Variants in CD163L1 observed in about 807,000 individuals in gnomAD.
CD163L1 encodes scavenger receptor cysteine-rich type 1 protein M160.
Under a neutral mutation model 165.4 loss-of-function variants are expected in CD163L1, and 124 were observed. The observed-to-expected ratio is 0.75, with a 90% CI of 0.65 to 0.87. The LOEUF (loss-of-function observed/expected upper bound fraction) is 0.87. Ranked by LOEUF, CD163L1 falls within the 40% of genes least tolerant of loss-of-function variation. The pLI, the probability that CD163L1 is intolerant of heterozygous loss-of-function variation, is 0.00. For missense variants in CD163L1, 1,525 were observed against 1,799.9 expected (o/e 0.85, Z 2.76); for synonymous variants, 585 against 662.2 (o/e 0.88, Z 1.79).
chr12:7,431,028 G>A (rs978282620), intron 4 of CD163L1, among the ~76,000 whole-genome samples: 3 of 152,256 alleles, frequency 2.0e-5, no homozygotes, highest in Middle Eastern at 3.4e-3. Context: ...ACTACAGAGA[G>A]GTCACTGGGG....
intron 8 of CD163L1, among the ~76,000 whole-genome samples, chr12:7,394,252 C>A (rs1248460446): frequency 2.6e-5 from 4 of 151,970 alleles, no homozygotes; most frequent in Admixed American, 6.6e-5. Context: ...CAGATATAGA[C>A]AAATGGAACA....
chr12:7,413,897 G>C (rs1435111443), intron 4 of CD163L1, among the ~76,000 whole-genome samples: 4 of 152,164 alleles, frequency 2.6e-5, no homozygotes, highest in African/African-American at 7.2e-5. Flanking sequence ...GGGAACAAAA[G>C]GGGTGGATTA....
At chr12:7,357,947 G>T (rs998474481) in intron 18 of CD163L1, among the ~76,000 whole-genome samples, 1 of 152,240 alleles carries the variant, frequency 6.6e-6, no homozygotes, top group East Asian at 1.9e-4. Flanking sequence ...GGTTGAATAT[G>T]ACTGCATCTT....
At chr12:7,423,807 T>A (rs1051549895) in intron 4 of CD163L1, among the ~76,000 whole-genome samples, 1 of 151,972 alleles carries the variant, frequency 6.6e-6, no homozygotes, top group African/African-American at 2.4e-5. Flanking sequence ...AATAGACCAA[T>A]AACAAGTTCT....
intron 19 of CD163L1, among the ~76,000 whole-genome samples, chr12:7,356,983 T>A (rs1397797934): frequency 2.0e-5 from 3 of 151,902 alleles, no homozygotes; most frequent in Non-Finnish European, 4.4e-5. Flanking sequence ...CAATAAGGAG[T>A]GATATTAATG....
intron 14 of CD163L1, among the ~76,000 whole-genome samples, chr12:7,370,501 G>A (rs751767393): frequency 1.2e-4 from 18 of 152,200 alleles, no homozygotes; most frequent in Non-Finnish European, 1.6e-4. Context: ...TTTAGTTCCC[G>A]TAATAGTATA....
chr12:7,368,035 G>T lies in CD163L1; in HGVS notation c.4183+52C>A. ...TCTGCAAGAATCCCCCATCCTGTGT[G>T]CCCTTGGTGGCAGGTAACTCACATT... is the stretch of plus-strand genomic sequence containing the variant. On this transcript the variant is annotated intron_variant, in intron 17 of 19. Coordinates refer to ENST00000313599, the MANE Select transcript of CD163L1 (RefSeq NM_174941.6). The surrounding 1 kb of genome is among the most constrained non-coding windows in gnomAD (Gnocchi z 4.3). 9.9e-7 allele frequency: 1 copy of T among 1,008,508 alleles called. No individual in the cohort carries two copies. Among genetic ancestry groups the T allele is most frequent in the Non-Finnish European group, 1.6e-6 (1 of 632,608 alleles). The allele number at this position is 1,008,508 out of a possible 1,614,324, so 62.5% of individuals were successfully genotyped here.
the CD163L1 span, among the ~76,000 whole-genome samples, chr12:7,330,996 A>G: frequency 6.6e-6 from 1 of 152,254 alleles, no homozygotes; most frequent in African/African-American, 2.4e-5. Context: ...GCATCGCCTC[A>G]CCCAGGAAGC....
At chr12:7,381,808 C>T (rs1947414420) in intron 8 of CD163L1, among the ~76,000 whole-genome samples, 1 of 151,822 alleles carries the variant, frequency 6.6e-6, no homozygotes, top group Non-Finnish European at 1.5e-5. Context: ...ATTAAATGAA[C>T]TACTCTAAAT....
chr12:7,374,312 T>A lies in CD163L1; in HGVS notation c.3409+130A>T. 1.1e-6 allele frequency: 1 copy of A among 923,504 alleles called. No individual in the cohort carries two copies. Among genetic ancestry groups the A allele is most frequent in the Middle Eastern group, 3.4e-4 (1 of 2,974 alleles). 57.2% of individuals were successfully genotyped at this position (923,504 alleles called of 1,614,324 possible). A position where few individuals can be genotyped will look rare whatever the true frequency, so the allele number is the denominator to read the frequency against. Reference sequence around the variant, plus strand: ...AAGAAATCAGTATAAGAGAATAGGATTAAAACCAAGTGGATTTTTTGTTTG... The same window carrying A: ...AAGAAATCAGTATAAGAGAATAGGAATAAAACCAAGTGGATTTTTTGTTTG... On this transcript the variant is annotated intron_variant, in intron 13 of 19. Coordinates refer to ENST00000313599, the MANE Select transcript of CD163L1 (RefSeq NM_174941.6). This position sits in a 1 kb window ranked among gnomAD's most constrained non-coding sequence, Gnocchi z 5.4.
At chr12:7,340,711 A>G in the CD163L1 span, among the ~76,000 whole-genome samples, 7 of 152,174 alleles carry the variant, frequency 4.6e-5, no homozygotes, top group African/African-American at 1.2e-4. Context: ...CATTCCAGCA[A>G]TGAGTGAGAG....
chr12:7,389,862 T>A (rs1947608137), intron 8 of CD163L1, among the ~76,000 whole-genome samples: 1 of 150,490 alleles, frequency 6.6e-6, no homozygotes, highest in South Asian at 2.1e-4. Context: ...TGTACCCCCT[T>A]GTTTGTTGCA....
intron 8 of CD163L1, among the ~76,000 whole-genome samples, chr12:7,382,662 A>T (rs1947435865): frequency 6.6e-6 from 1 of 152,148 alleles, no homozygotes; most frequent in Non-Finnish European, 1.5e-5. Flanking sequence ...GAGTTTGCAC[A>T]ATAGCGTTGT....
the CD163L1 span, among the ~76,000 whole-genome samples, chr12:7,336,503 T>A: frequency 6.6e-6 from 1 of 152,084 alleles, no homozygotes; most frequent in Non-Finnish European, 1.5e-5. Flanking sequence ...CACTGGGGAC[T>A]GTTGTGGGGT....
chr12:7,432,590 A>G lies in CD163L1; in HGVS notation c.592T>C (p.Cys198Arg). Residue 198 changes from cysteine (C) to arginine (R), a missense_variant, in exon 4 of 20, where the codon TGT becomes CGT. Transcript: ENST00000313599. The surrounding 1 kb of genome is among the most constrained non-coding windows in gnomAD (Gnocchi z 4.2). ...TAAVVCRQLGCPSSFISSGVV... is the reference protein window; with the variant it reads ...TAAVVCRQLGRPSSFISSGVV... ...CCAGAAGAAATAAAAGAAGATGGACATCCTAGTTGCCTGCACACCACGGCA... is the reference window on the plus strand; with the variant it reads ...CCAGAAGAAATAAAAGAAGATGGACGTCCTAGTTGCCTGCACACCACGGCA... The G allele has an allele frequency of 6.2e-7, 1 of 1,614,230 alleles. No homozygotes were observed. The highest frequency in any genetic ancestry group is 1.6e-4 in the Middle Eastern group (1 of 6,062).
chr12:7,323,915 G>A, the CD163L1 span, among the ~76,000 whole-genome samples: 3 of 152,028 alleles, frequency 2.0e-5, no homozygotes, highest in South Asian at 2.1e-4. Flanking sequence ...AGTGGCTCAC[G>A]GCTATAATTT....
At chr12:7,356,179 C>T (rs1468227798) in intron 19 of CD163L1, among the ~76,000 whole-genome samples, 1 of 152,150 alleles carries the variant, frequency 6.6e-6, no homozygotes, top group African/African-American at 2.4e-5. Context: ...ACATAAGATA[C>T]ACTTTAGGAT....
At chr12:7,323,479 T>C in the CD163L1 span, 1 of 1,613,968 alleles carries the variant, frequency 6.2e-7, no homozygotes, top group Admixed American at 1.7e-5. Context: ...AAAATGGCAA[T>C]GTTCTACCAC....
chr12:7,398,406 G>C lies in CD163L1; in HGVS notation c.1587C>G (p.Thr529=), dbSNP rs1947822814. Residue 529 remains threonine (T), a synonymous_variant, in exon 7 of 20, where the codon ACC becomes ACG. Coordinates refer to ENST00000313599, the MANE Select transcript of CD163L1 (RefSeq NM_174941.6). This position sits in a 1 kb window ranked among gnomAD's most constrained non-coding sequence, Gnocchi z 4.5. ...TAGGTCCTGATGCTTCTTTAAAATA[G>C]GTCATACCAAACACATGCAAAGGCT... ...CGKPLHVFGM[T]YFKEASGPIW... The C allele has an allele frequency of 6.2e-7, 1 of 1,613,940 alleles. No homozygotes were observed. The highest frequency in any genetic ancestry group is 1.3e-5 in the African/African-American group (1 of 74,882).
Sources: gnomAD v4.1 joint callset for allele counts (sites outside exome capture counted in the v4.1 genomes callset) on GRCh38, gnomAD v4.1.1 for gene constraint, Gnocchi (gnomAD v3.1) non-coding constraint, MANE v1.5 for transcripts, NCBI Gene and HGNC (gene_info 2026-07-23, HGNC 2026-07-21) for gene names.